Variants in PER1 observed in about 807,000 individuals in gnomAD.
PER1 encodes the protein period circadian protein homolog 1.
A neutral mutation model predicts 125.9 loss-of-function variants in PER1; 87 were observed. That is an observed-to-expected ratio of 0.69 (90% confidence interval 0.58 to 0.83). The LOEUF (loss-of-function observed/expected upper bound fraction) is 0.83, where lower values mean the gene tolerates loss of function less well. Ranked by LOEUF, PER1 falls within the 40% of genes least tolerant of loss-of-function variation. The pLI, the probability that PER1 is intolerant of heterozygous loss-of-function variation, is 0.00. For synonymous variants in PER1, 801 were observed against 714.7 expected (o/e 1.12, Z -1.93); for missense variants, 1,775 against 1,722.8 (o/e 1.03, Z -0.54).
chr17:8,147,881 G>C, intron 10 of PER1, 54 bp from the exon 11 acceptor site: 2 of 1,604,150 alleles, frequency 1.2e-6, no homozygotes, highest in Non-Finnish European at 8.5e-7. Flanking sequence ...CTGAGTAAGA[G>C]GGAGGCCATG....
Position 8,149,763 on chromosome 17 carries a change from G to C in PER1, c.643C>G (p.Gln215Glu). 1 of 1,612,974 alleles carries C rather than the reference G, an allele frequency of 6.2e-7. No individual in the cohort carries two copies. The change falls in exon 5 of 23, where the codon CAG becomes GAG. Residue 215 changes from glutamine (Q) to glutamate (E), a missense_variant. Transcript: ENST00000317276. ...LEHITSEYTL[Q>E]NQDTFSVAVS... ...GCCAGGCCGCCGCTGACCTGGTTCT[G>C]AAGTGTGTACTCAGACGTGATGTGC...
rs766572175 is a variant in PER1, at chr17:8,146,675, G to A, written c.1826C>T (p.Ala609Val). The change falls in exon 15 of 23, where the codon GCC becomes GTC. Residue 609 changes from alanine to valine, a missense_variant. Physicochemically the swap from Ala to Val is moderately conservative, Grantham distance 64. Coordinates refer to ENST00000317276, the MANE Select transcript of PER1 (RefSeq NM_002616.3). ...CCTCTCGGCCTCCTCAGGGACCAAG[G>A]CTAGTGGGGCCTGGACGGGAGCAGA... ...AGSAPVQAPL[A>V]LVPEEAERKE... is the part of the protein sequence containing the mutation. The A allele has an allele frequency of 1.2e-6, 2 of 1,613,892 alleles. No individual in the cohort carries two copies. Among genetic ancestry groups the A allele is most frequent in the South Asian group, 1.1e-5 (1 of 91,082 alleles).
chr17:8,149,040 T>C (rs765657732), intron 7 of PER1: 15 of 613,760 alleles, frequency 2.4e-5, no homozygotes, highest in African/African-American at 2.2e-4. Flanking sequence ...AATACAAAAA[T>C]TAGCTGGGCG....
chr17:8,142,845 G>A lies in PER1; in HGVS notation c.3073-10C>T. ...ACTCAGTGACCTCCGCCTGGAGGAG[G>A]GGAGGGGGGCAAGGAGGGATGGAGG... On this transcript the variant is annotated splice_polypyrimidine_tract_variant and intron_variant, in intron 19 of 22. Transcript: ENST00000317276. The A allele has an allele frequency of 6.3e-6, 10 of 1,583,348 alleles. No homozygotes were observed. The highest frequency in any genetic ancestry group is 7.7e-6 in the Non-Finnish European group (9 of 1,167,884).
chr17:8,145,958 CCGA>C lies in PER1; in HGVS notation c.2215_2217del (p.Ser739del). ...CTGCCCCCCAATTCCACACCCATAC[CCGA>C]CTCCGGGGGCTTCTTGTCTCCCACA... On this transcript the variant is annotated inframe_deletion and splice_region_variant, in exon 17 of 23. Coordinates refer to ENST00000317276, the MANE Select transcript of PER1 (RefSeq NM_002616.3). The C allele has an allele frequency of 6.3e-7, 1 of 1,598,796 alleles. No individual in the cohort carries two copies. The highest frequency in any genetic ancestry group is 2.2e-5 in the East Asian group (1 of 44,604).
In PER1 at chr17:8,147,731, A is replaced by G; in HGVS notation, c.1331T>C (p.Phe444Ser). Residue 444 changes from phenylalanine to serine, a missense_variant, in exon 11 of 23, where the codon TTT (phenylalanine) becomes TCT (serine). Physicochemically the swap from Phe to Ser is radical, Grantham distance 155. Transcript: ENST00000317276. ...TACCTTGCGGCTCCAGGGGTGCACA[A>G]AGCCAGCCCAGCTGGTGTCCATGGT... is the stretch of plus-strand genomic sequence containing the variant. ...YVTMDTSWAG[F>S]VHPWSRKVAF... 1 of 1,614,122 alleles carries G rather than the reference A, an allele frequency of 6.2e-7. No individual in the cohort carries two copies. The highest frequency in any genetic ancestry group is 1.3e-5 in the African/African-American group (1 of 75,064).
Position 8,140,981 on chromosome 17 carries a change from T to C in PER1, c.*87A>G, listed in dbSNP as rs1982043828. The stretch of plus-strand genomic sequence containing the variant: ...GAAGCTGGGGCAGTTTCCCACTGGT[T>C]GGTCTAGCCACATCTGAGTTCTGAG... On this transcript the variant is annotated 3_prime_UTR_variant, in exon 23 of 23. Transcript: ENST00000317276. The C allele has an allele frequency of 1.3e-5, 19 of 1,434,728 alleles. No homozygotes were observed. Among genetic ancestry groups the C allele is most frequent in the Non-Finnish European group, 1.8e-5 (19 of 1,053,410 alleles). The allele number at this position is 1,434,728 out of a possible 1,614,324, so 88.9% of individuals were successfully genotyped here.
rs150726488 is a variant in PER1, at chr17:8,143,754, C to T, written c.2584G>A (p.Val862Met). 4.4e-5 allele frequency: 69 copies of T among 1,561,588 alleles called. No homozygotes were observed. The highest frequency in any genetic ancestry group is 1.8e-4 in the Middle Eastern group (1 of 5,700). ...APCYVSHPSP[V>M]PPSTPWPTPP... ...GTGGGCCAGGGGGTGGAGGGTGGCACGGGTGAGGGGTGTGAGACATAGCAG... is the reference window on the plus strand; with the variant it reads ...GTGGGCCAGGGGGTGGAGGGTGGCATGGGTGAGGGGTGTGAGACATAGCAG... The change falls in exon 19 of 23, where the codon GTG (valine) becomes ATG (methionine). Residue 862 changes from valine (V) to methionine (M), a missense_variant. Transcript: ENST00000317276.
intron 13 of PER1, 25 bp from the exon 14 acceptor site, chr17:8,147,027 G>A (rs779127061): frequency 5.1e-6 from 8 of 1,583,360 alleles, no homozygotes; most frequent in Non-Finnish European, 6.9e-6. Context: ...ACCACAGTGA[G>A]CAGAACCAGG....
chr17:8,140,986 T>C lies in PER1; in HGVS notation c.*82A>G. 2 of 1,477,852 alleles carry C rather than the reference T, an allele frequency of 1.4e-6. No homozygotes were observed. Among genetic ancestry groups the C allele is most frequent in the East Asian group, 4.6e-5 (2 of 43,904 alleles). The allele number at this position is 1,477,852 out of a possible 1,614,324, so 91.5% of individuals were successfully genotyped here. A position where few individuals can be genotyped will look rare whatever the true frequency, so the allele number is the denominator to read the frequency against. On this transcript the variant is annotated 3_prime_UTR_variant, in exon 23 of 23. Coordinates refer to ENST00000317276, the MANE Select transcript of PER1 (RefSeq NM_002616.3). The stretch of plus-strand genomic sequence containing the variant: ...TGGGGCAGTTTCCCACTGGTTGGTC[T>C]AGCCACATCTGAGTTCTGAGAATTG...
At position 8,146,655 on chromosome 17, in the gene PER1, C is replaced by T. The variant is rs551671974; in HGVS notation, c.1846G>A (p.Glu616Lys). The T allele has an allele frequency of 4.5e-5, 73 of 1,613,838 alleles. No individual in the cohort carries two copies. In the South Asian group the frequency reaches 7.1e-4, roughly 16 times the overall value. ...GAGCAGCTGGAGGCTTCTTTCCTCT[C>T]GGCCTCCTCAGGGACCAAGGCTAGT... ...APLALVPEEA[E>K]RKEASSCSYQ... Residue 616 changes from glutamate to lysine, a missense_variant, in exon 15 of 23, where the codon GAG (glutamate) becomes AAG (lysine). Coordinates refer to ENST00000317276, the MANE Select transcript of PER1 (RefSeq NM_002616.3).
chr17:8,143,265 C>G lies in PER1; in HGVS notation c.3072+1G>C. ...AGGCAGACGCAGGGGTCAGTGCTCA[C>G]CAGTCTGGCCTCTGGCTCAGCAGCC... On this transcript the variant is annotated splice_donor_variant, in intron 19 of 22. Coordinates refer to ENST00000317276, the MANE Select transcript of PER1 (RefSeq NM_002616.3). LOFTEE classifies it high-confidence loss of function. The G allele has an allele frequency of 6.5e-7, 1 of 1,530,970 alleles. No homozygotes were observed. The highest frequency in any genetic ancestry group is 8.8e-7 in the Non-Finnish European group (1 of 1,138,812). 94.8% of individuals were successfully genotyped at this position (1,530,970 alleles called of 1,614,324 possible).
Position 8,150,116 on chromosome 17 carries a change from C to T in PER1, c.384G>A (p.Gln128=), listed in dbSNP as rs767716116. The T allele has an allele frequency of 1.2e-6, 2 of 1,614,082 alleles. No homozygotes were observed. Among genetic ancestry groups the T allele is most frequent in the Admixed American group, 1.7e-5 (1 of 60,030 alleles). ...CCTTCTGAGTCCTTGCCCGGGCTGACTGTTCACTGCTGCGGGGCCCACAGG... is the reference window on the plus strand; with the variant it reads ...CCTTCTGAGTCCTTGCCCGGGCTGATTGTTCACTGCTGCGGGGCCCACAGG... The part of the protein sequence containing the change: ...NPSTSGCSSE[Q]SARARTQKEL... Residue 128 remains glutamine, a synonymous_variant, in exon 4 of 23, where the codon CAG becomes CAA. Transcript: ENST00000317276.
At chr17:8,145,909 T>C in intron 17 of PER1, 49 bp downstream of exon 17, 1 of 1,540,106 alleles carries the variant, frequency 6.5e-7, no homozygotes, top group Non-Finnish European at 8.8e-7. Context: ...GAGCTCTAGC[T>C]GGGAGACCGG....
In PER1 at chr17:8,140,481, A is replaced by G. The variant is rs1403819354; in HGVS notation, c.*587T>C. 9 of 197,474 alleles carry G rather than the reference A, an allele frequency of 4.6e-5. No individual in the cohort carries two copies. Among genetic ancestry groups the G allele is most frequent in the Non-Finnish European group, 8.4e-5 (8 of 95,184 alleles). 12.2% of individuals were successfully genotyped at this position (197,474 alleles called of 1,614,324 possible). On this transcript the variant is annotated 3_prime_UTR_variant, in exon 23 of 23. Transcript: ENST00000317276. ...ATTCCACAAAGTCCTGGGCGTTTTT[A>G]TCTTTTTGTATTAAAAAAGTAGTAA...
rs1982580426 is a variant in PER1, at chr17:8,148,175, C to A, written c.1127+6G>T. 6.2e-7 allele frequency: 1 copy of A among 1,613,950 alleles called. No homozygotes were observed. The highest frequency in any genetic ancestry group is 8.5e-7 in the Non-Finnish European group (1 of 1,179,850). ...TGCCCTCGTCTCCTCTAGGTCCTAT[C>A]CTCACCTTTCATCCACATCCTGGAA... On this transcript the variant is annotated splice_donor_region_variant and intron_variant, in intron 9 of 22. Transcript: ENST00000317276.
Position 8,149,755 on chromosome 17 carries a change from C to G in PER1, c.651G>C (p.Gln217His). ...HITSEYTLQN[Q>H]DTFSVAVSFL... ...ATGCAGAGGCCAGGCCGCCGCTGAC[C>G]TGGTTCTGAAGTGTGTACTCAGACG... Residue 217 changes from glutamine (Q) to histidine (H), a missense_variant and splice_region_variant, in exon 5 of 23, where the codon CAG becomes CAC. By Grantham distance (24) the Gln-to-His change is conservative. Coordinates refer to ENST00000317276, the MANE Select transcript of PER1 (RefSeq NM_002616.3). 2 of 1,612,882 alleles carry G rather than the reference C, an allele frequency of 1.2e-6. No individual in the cohort carries two copies. The highest frequency in any genetic ancestry group is 1.3e-5 in the African/African-American group (1 of 75,058).
chr17:8,148,580 G>T, intron 8 of PER1, 64 bp downstream of exon 8: 2 of 1,526,792 alleles, frequency 1.3e-6, no homozygotes, highest in Non-Finnish European at 1.8e-6. Context: ...CCAAATTCAT[G>T]TCTGGCCATG....
Position 8,149,544 on chromosome 17 carries a change from G to A in PER1, c.771C>T (p.Leu257=), listed in dbSNP as rs757508025. ...AGACTCCCACATCCTGGGGAGCCAGGAGCTCAGAGAAGCGGGTACCCCGGA... is the reference window on the plus strand; with the variant it reads ...AGACTCCCACATCCTGGGGAGCCAGAAGCTCAGAGAAGCGGGTACCCCGGA... ...DVFRGTRFSE[L]LAPQDVGVFY... The change falls in exon 6 of 23, where the codon CTC becomes CTT. Residue 257 remains leucine (L), a synonymous_variant. Coordinates refer to ENST00000317276, the MANE Select transcript of PER1 (RefSeq NM_002616.3). 1 of 1,613,950 alleles carries A rather than the reference G, an allele frequency of 6.2e-7. No individual in the cohort carries two copies. Among genetic ancestry groups the A allele is most frequent in the Non-Finnish European group, 8.5e-7 (1 of 1,179,998 alleles).
Sources: allele counts gnomAD v4.1 joint callset, GRCh38; gene constraint gnomAD v4.1.1; transcripts MANE v1.5; gene names NCBI Gene and HGNC (gene_info 2026-07-23, HGNC 2026-07-21).